Variants in STK3 observed in about 807,000 individuals in gnomAD.
STK3 encodes serine/threonine-protein kinase 3.
Under a neutral mutation model 58.0 loss-of-function variants are expected in STK3, and 41 were observed. The ratio of observed to expected loss-of-function variants is 0.71; its 90% CI spans 0.55 to 0.92. STK3 has a LOEUF of 0.92. Ranked by LOEUF, STK3 falls within the 40% of genes least tolerant of loss-of-function variation. The pLI is 0.00. For synonymous variants in STK3, 170 were observed against 191.0 expected (o/e 0.89, Z 0.91); for missense variants, 479 against 602.7 (o/e 0.79, Z 2.15).
intron 10 of STK3, among the ~76,000 whole-genome samples, chr8:98,474,664 T>A (rs938084165): frequency 2.6e-5 from 4 of 152,224 alleles, no homozygotes; most frequent in African/African-American, 9.6e-5. Flanking sequence ...CATCTCTGCC[T>A]GATGAAGTTC....
chr8:98,421,136 G>C (rs2131055290), intron 3 of STK3, among the ~76,000 whole-genome samples: 1 of 152,322 alleles, frequency 6.6e-6, no homozygotes, highest in South Asian at 2.1e-4. Flanking sequence ...GAATTGTTCT[G>C]ATCTGGGCAT....
chr8:98,538,911 G>C (rs975753689), intron 9 of STK3, among the ~76,000 whole-genome samples: 1 of 152,152 alleles, frequency 6.6e-6, no homozygotes, highest in African/African-American at 2.4e-5. Context: ...TGGATTCCTC[G>C]TACTTTTGTA....
chr8:98,794,946 A>T (rs1352989272), intron 1 of STK3, among the ~76,000 whole-genome samples: 1 of 151,178 alleles, frequency 6.6e-6, no homozygotes, highest in Non-Finnish European at 1.5e-5. Flanking sequence ...GCATGCCTGT[A>T]ATCCCAGCTA....
intron 6 of STK3, among the ~76,000 whole-genome samples, chr8:98,608,862 T>C (rs1340128425): frequency 1.3e-5 from 2 of 152,226 alleles, no homozygotes; most frequent in Non-Finnish European, 2.9e-5. Context: ...CATGTAAAAC[T>C]GACTTCAGAA....
At chr8:98,666,408 T>G (rs954440876) in intron 6 of STK3, among the ~76,000 whole-genome samples, 7 of 152,224 alleles carry the variant, frequency 4.6e-5, no homozygotes, top group African/African-American at 1.7e-4. Context: ...TTGTAATAGA[T>G]GTTAAATATT....
At chr8:98,829,013 C>G (rs1048950936), upstream of STK3, among the ~76,000 whole-genome samples, 1 of 152,180 alleles carries the variant, frequency 6.6e-6, no homozygotes, top group Admixed American at 6.5e-5. Context: ...CATCTGCTCT[C>G]TGCTCTGAGA....
At chr8:98,433,795 G>A (rs534371681) in intron 3 of STK3, among the ~76,000 whole-genome samples, 3 of 152,298 alleles carry the variant, frequency 2.0e-5, no homozygotes, top group African/African-American at 7.2e-5. Context: ...TACAATAGAC[G>A]ACAGTTGCAG....
chr8:98,489,212 T>C (rs545068970), intron 10 of STK3, among the ~76,000 whole-genome samples: 2 of 152,056 alleles, frequency 1.3e-5, no homozygotes, highest in African/African-American at 4.8e-5. Context: ...ACATAATCTG[T>C]CATGGAACTA....
intron 3 of STK3, among the ~76,000 whole-genome samples, chr8:98,876,734 G>A (rs1052663732): frequency 2.0e-5 from 3 of 152,184 alleles, no homozygotes; most frequent in Admixed American, 6.5e-5. Context: ...TTGCTTAATC[G>A]TTTCTAAGAA....
downstream of STK3, among the ~76,000 whole-genome samples, chr8:98,368,069 CAG>C (rs1224512960): frequency 1.3e-5 from 2 of 151,248 alleles, no homozygotes; most frequent in African/African-American, 2.4e-5. Flanking sequence ...TCAGAATAAA[CAG>C]AGAAAAACAG....
chr8:98,710,462 T>C lies in STK3; in HGVS notation c.352-3151A>G, dbSNP rs1044908784. 5.9e-5 allele frequency among the ~76,000 whole-genome samples: 9 copies of C among 152,222 alleles called. No individual in the cohort carries two copies. In the South Asian group the frequency reaches 1.0e-3, roughly 18 times the overall value. ...CCACCCTAATACTGTGCTTTTCCAA[T>C]GGTCTTAGCAAACGGCACACCAGGA... On this transcript the variant is annotated intron_variant, in intron 4 of 10. Coordinates refer to ENST00000419617, the MANE Select transcript of STK3 (RefSeq NM_006281.4).
At position 98,417,700 on chromosome 8, in the gene STK3, A is replaced by G. The variant is rs555461950; in HGVS notation, n.484-16187T>C. ...ACCATGTTGTTGTGATGATTAACCTAGTTACTAGACGTTAATCCTTATAAC... is the reference window on the plus strand; with the variant it reads ...ACCATGTTGTTGTGATGATTAACCTGGTTACTAGACGTTAATCCTTATAAC... On this transcript the variant is annotated intron_variant and non_coding_transcript_variant, in intron 3 of 3. Coordinates refer to the STK3 transcript ENST00000517832. 8.5e-5 allele frequency among the ~76,000 whole-genome samples: 13 copies of G among 152,082 alleles called. No homozygotes were observed. In the South Asian group the frequency reaches 2.7e-3, roughly 32 times the overall value.
intron 4 of STK3, among the ~76,000 whole-genome samples, chr8:98,711,125 C>T (rs199873233): frequency 6.6e-6 from 1 of 152,126 alleles, no homozygotes; most frequent in Non-Finnish European, 1.5e-5. Context: ...CACACCAAAA[C>T]CCCATCTGTA....
intron 1 of STK3, among the ~76,000 whole-genome samples, chr8:98,796,027 T>C (rs545400945): frequency 1.1e-4 from 16 of 152,276 alleles, no homozygotes; most frequent in African/African-American, 3.1e-4. Context: ...TTCATGTTCA[T>C]GAAGTGGAAA....
At chr8:98,494,426 A>G (rs1213421740) in intron 10 of STK3, among the ~76,000 whole-genome samples, 2 of 152,172 alleles carry the variant, frequency 1.3e-5, no homozygotes, top group East Asian at 1.9e-4. Context: ...TCCATTAAAC[A>G]ATGATCTTAT....
At chr8:98,940,531 G>C (rs1840372712) in intron 1 of STK3, among the ~76,000 whole-genome samples, 2 of 152,138 alleles carry the variant, frequency 1.3e-5, no homozygotes, top group South Asian at 4.1e-4. Flanking sequence ...CGGCTGGCTG[G>C]CCCGGCCCGA....
At chr8:98,749,841 T>C (rs535117108) in intron 3 of STK3, among the ~76,000 whole-genome samples, 1 of 152,244 alleles carries the variant, frequency 6.6e-6, no homozygotes, top group South Asian at 2.1e-4. Context: ...TTGAAAATTC[T>C]AGAGAAAAAA....
intron 3 of STK3, among the ~76,000 whole-genome samples, chr8:98,409,006 G>A (rs760637111): frequency 6.6e-6 from 1 of 152,100 alleles, no homozygotes; most frequent in Non-Finnish European, 1.5e-5. Context: ...TGCTCGCCTT[G>A]TTGAAACCCC....
chr8:98,755,997 G>A (rs1830264982), intron 3 of STK3, among the ~76,000 whole-genome samples: 1 of 152,026 alleles, frequency 6.6e-6, no homozygotes, highest in Non-Finnish European at 1.5e-5. Flanking sequence ...AAAAAAATTA[G>A]CTGGGCGTGG....
Sources: gnomAD v4.1 joint callset for allele counts (sites outside exome capture counted in the v4.1 genomes callset) on GRCh38, gnomAD v4.1.1 for gene constraint, MANE v1.5 for transcripts, NCBI Gene and HGNC (gene_info 2026-07-23, HGNC 2026-07-21) for gene names.